SRGAP2C: variants seen among roughly 807,000 people sequenced by gnomAD.
SRGAP2C encodes the protein SLIT-ROBO Rho GTPase activating protein 2C, also known as SLIT-ROBO Rho GTPase-activating protein 2C.
In SRGAP2C, 15 loss-of-function variants were observed where a neutral mutation model predicts 25.1. That is an observed-to-expected ratio of 0.60 (90% CI 0.40 to 0.92). The LOEUF (loss-of-function observed/expected upper bound fraction) is 0.92, where lower values mean the gene tolerates loss of function less well. Ranked by LOEUF, SRGAP2C falls within the 40% of genes least tolerant of loss-of-function variation. SRGAP2C has a pLI of 0.00. For missense variants in SRGAP2C, 144 were observed against 264.4 expected (o/e 0.54, Z 3.16); for synonymous variants, 44 against 96.6 (o/e 0.46, Z 3.19).
chr1:121,383,457 G>A (rs3119005), intron 8 of SRGAP2C, among the ~76,000 whole-genome samples: 1 of 151,306 alleles, frequency 6.6e-6, no homozygotes, highest in Non-Finnish European at 1.5e-5. Context: ...TTCTCCTGAA[G>A]TTAGAAGACT....
intron 2 of SRGAP2C, among the ~76,000 whole-genome samples, chr1:121,267,321 A>G (rs10751781): frequency 0.022 from 3,099 of 143,930 alleles, 133 homozygotes; most frequent in African/African-American, 0.086. Flanking sequence ...GGCTTCCTGA[A>G]TAGCTGGGCT....
intron 4 of SRGAP2C, among the ~76,000 whole-genome samples, chr1:121,358,686 C>G (rs1659117076): frequency 6.8e-6 from 1 of 147,964 alleles, no homozygotes. Flanking sequence ...ATCATTATAA[C>G]CTGAAATATC....
chr1:121,290,190 ATTCC>A (rs2101574368), intron 3 of SRGAP2C, among the ~76,000 whole-genome samples: 1 of 151,872 alleles, frequency 6.6e-6, no homozygotes, highest in East Asian at 1.9e-4. Flanking sequence ...TCCATTGCAC[ATTCC>A]TTGAACTCCT....
At chr1:121,379,094 C>T (rs1242025073) in intron 7 of SRGAP2C, among the ~76,000 whole-genome samples, 1 of 152,200 alleles carries the variant, frequency 6.6e-6, no homozygotes, top group Non-Finnish European at 1.5e-5. Flanking sequence ...GTTGTAAGTG[C>T]CGTGTACATG....
In SRGAP2C at chr1:121,368,063, G is replaced by T. The variant is rs1367107506; in HGVS notation, c.486+2708G>T. Among the ~76,000 whole-genome samples the T allele has an allele frequency of 3.9e-5, 3 of 77,396 alleles. No homozygotes were observed. The Admixed American group carries it at 4.2e-4, about 11-fold the overall frequency. The allele number at this position is 77,396 out of a possible 152,430, so 50.8% of individuals were successfully genotyped here. A position where few individuals can be genotyped will look rare whatever the true frequency, so the allele number is the denominator to read the frequency against. The stretch of plus-strand genomic sequence containing the variant: ...TGCACTCCAGCCTGGGCAACAGAGC[G>T]AGACTCTGTCTCAAAAAAAAAAAAA... On this transcript the variant is annotated intron_variant, in intron 5 of 9. Transcript: ENST00000367123.
chr1:121,349,335 A>G (rs1300998415), intron 4 of SRGAP2C, among the ~76,000 whole-genome samples: 1 of 151,664 alleles, frequency 6.6e-6, no homozygotes, highest in East Asian at 2.0e-4. Context: ...ACTTATTGGA[A>G]AGAGAATTCG....
chr1:121,269,304 CGTTT>C (rs1315065923), intron 2 of SRGAP2C, among the ~76,000 whole-genome samples: 2 of 81,592 alleles, frequency 2.5e-5, no homozygotes, highest in Non-Finnish European at 5.5e-5. Context: ...GGAAAATATG[CGTTT>C]GTTTGTTTAA....
At chr1:121,320,787 C>T (rs1408901261) in intron 3 of SRGAP2C, among the ~76,000 whole-genome samples, 2 of 151,776 alleles carry the variant, frequency 1.3e-5, no homozygotes, top group African/African-American at 2.4e-5. Context: ...GCAGCTATTC[C>T]CCTTCATAAA....
intron 5 of SRGAP2C, among the ~76,000 whole-genome samples, chr1:121,370,314 C>A (rs1376895822): frequency 7.2e-6 from 1 of 139,202 alleles, no homozygotes; most frequent in African/African-American, 2.7e-5. Context: ...GTTCAGTATA[C>A]CCCTATCCTC....
At chr1:121,339,346 G>T (rs1421012748) in intron 4 of SRGAP2C, among the ~76,000 whole-genome samples, 4 of 150,662 alleles carry the variant, frequency 2.7e-5, no homozygotes, top group African/African-American at 9.8e-5. Flanking sequence ...CCGCCTCCCG[G>T]GTTCAAGTGA....
At chr1:121,196,456 A>C (rs1248624329) in intron 2 of SRGAP2C, among the ~76,000 whole-genome samples, 1 of 84,020 alleles carries the variant, frequency 1.2e-5, no homozygotes, top group Non-Finnish European at 2.4e-5. Flanking sequence ...ATACTGCCTT[A>C]TGTTTGGAAT....
At chr1:121,275,026 C>A (rs139578054) in intron 2 of SRGAP2C, among the ~76,000 whole-genome samples, 3 of 150,544 alleles carry the variant, frequency 2.0e-5, no homozygotes, top group Non-Finnish European at 4.4e-5. Flanking sequence ...TCATCCCCCT[C>A]GCTTCTGTTT....
At chr1:121,362,766 G>T (rs1388074142) in intron 4 of SRGAP2C, 1 of 145,110 alleles carries the variant, frequency 6.9e-6, no homozygotes, top group Admixed American at 6.9e-5. Flanking sequence ...TTGGGCCTCT[G>T]TTGCTTCAGT....
intron 2 of SRGAP2C, among the ~76,000 whole-genome samples, chr1:121,271,128 T>G (rs587704021): frequency 2.8e-4 from 42 of 151,402 alleles, no homozygotes; most frequent in African/African-American, 9.7e-4. Context: ...TTTTGTTTTG[T>G]TTTTTTAAAC....
intron 2 of SRGAP2C, among the ~76,000 whole-genome samples, chr1:121,284,295 G>A (rs1401249847): frequency 1.4e-5 from 2 of 138,676 alleles, no homozygotes; most frequent in Non-Finnish European, 1.6e-5. Flanking sequence ...GAAATGATGG[G>A]GAAAAATGCA....
At chr1:121,296,345 G>T (rs1376347774) in intron 3 of SRGAP2C, among the ~76,000 whole-genome samples, 55,649 of 143,004 alleles carry the variant, frequency 0.39, 12,459 homozygotes, top group Non-Finnish European at 0.52. Context: ...AACTTCCTTT[G>T]TATCATCTGT....
At chr1:121,337,828 AT>A (rs1156599164) in intron 4 of SRGAP2C, among the ~76,000 whole-genome samples, 16 of 119,728 alleles carry the variant, frequency 1.3e-4, no homozygotes, top group African/African-American at 4.5e-4. Context: ...CACAGCAATA[AT>A]TTTTTTAAAA....
At chr1:121,259,602 C>A (rs1245057861) in intron 2 of SRGAP2C, among the ~76,000 whole-genome samples, 1 of 151,598 alleles carries the variant, frequency 6.6e-6, no homozygotes, top group Non-Finnish European at 1.5e-5. Context: ...CTCATCTGTG[C>A]AACAGGTATT....
chr1:121,347,642 T>A (rs587656007), intron 4 of SRGAP2C, among the ~76,000 whole-genome samples: 2 of 152,352 alleles, frequency 1.3e-5, no homozygotes, highest in African/African-American at 4.8e-5. Flanking sequence ...CCAGGAGGAA[T>A]GCAGAACTGA....
Sources: gnomAD v4.1 joint callset for allele counts (sites outside exome capture counted in the v4.1 genomes callset) on GRCh38, gnomAD v4.1.1 for gene constraint, MANE v1.5 for transcripts, NCBI Gene and HGNC (gene_info 2026-07-23, HGNC 2026-07-21) for gene names.